The following TJP3 variants were observed in gnomAD, a reference collection of about 807,000 sequenced individuals.
TJP3 encodes the protein tight junction protein 3, also known as tight junction protein ZO-3.
TJP3 carries 85 observed loss-of-function variants against 104.2 expected under a neutral mutation model. The observed-to-expected ratio is 0.82, with a 90% CI of 0.68 to 0.98. The LOEUF is 0.98. TJP3 is among the 50% of genes least tolerant of loss of function. The pLI is 0.00. For missense variants in TJP3, 1,367 were observed against 1,322.8 expected, an observed-to-expected ratio of 1.03 and a Z score of -0.52; for synonymous variants, 550 against 550.6, an observed-to-expected ratio of 1.00 and a Z score of 0.02.
At chr19:3,742,383 T>C (rs654215) in intron 14 of TJP3, among the ~76,000 whole-genome samples, 68,220 of 151,378 alleles carry the variant, frequency 0.45, 15,551 homozygotes, top group South Asian at 0.59. Context: ...CGGAGAGCTA[T>C]GATCATGCTG....
At chr19:3,734,061 A>G (rs2036705765) in intron 7 of TJP3, 149 bp downstream of exon 7, 1 of 1,129,214 alleles carries the variant, frequency 8.9e-7, no homozygotes, top group South Asian at 1.5e-5. Context: ...CAGCAAGTCA[A>G]GAGTTCAGGG....
At chr19:3,714,818 C>A (rs555620868) in intron 1 of TJP3, among the ~76,000 whole-genome samples, 1 of 152,176 alleles carries the variant, frequency 6.6e-6, no homozygotes, top group East Asian at 2.0e-4. Context: ...CCAGGGAGGC[C>A]TCCAGAACTC....
intron 12 of TJP3, 61 bp from the exon 13 acceptor site, chr19:3,738,835 GT>G: frequency 1.4e-6 from 2 of 1,474,130 alleles, no homozygotes. Flanking sequence ...CCACTCTCGG[GT>G]GGGGAGGGCT....
intron 1 of TJP3, among the ~76,000 whole-genome samples, chr19:3,722,796 A>C (rs2036554118): frequency 7.4e-6 from 1 of 136,040 alleles, no homozygotes; most frequent in Non-Finnish European, 1.5e-5. Flanking sequence ...TCCCCTCCCC[A>C]ATCGGTGTAT....
chr19:3,748,041 C>A lies in TJP3; in HGVS notation c.2570C>A (p.Pro857Gln), dbSNP rs373989858. Residue 857 changes from proline to glutamine, a missense_variant, in exon 19 of 21, where the codon CCG (proline) becomes CAG (glutamine). Coordinates refer to ENST00000541714, the MANE Select transcript of TJP3 (RefSeq NM_001267560.2). ...GTGCAGGCAGATGAGTCCCAGAGCC[C>A]GAGGGATCGTGGGAGAATCTCGGCT... Reference protein sequence around the residue: ...EPVQADESQSPRDRGRISAHQ... With the variant: ...EPVQADESQSQRDRGRISAHQ... 2.5e-6 allele frequency: 4 copies of A among 1,593,150 alleles called. No homozygotes were observed. The highest frequency in any genetic ancestry group is 2.3e-5 in the East Asian group (1 of 43,780).
At chr19:3,741,248 G>A (rs749427516) in intron 14 of TJP3, among the ~76,000 whole-genome samples, 3 of 151,306 alleles carry the variant, frequency 2.0e-5, no homozygotes, top group Admixed American at 6.6e-5. Flanking sequence ...CGATCCACCC[G>A]CTTCAGCCTC....
intron 3 of TJP3, among the ~76,000 whole-genome samples, chr19:3,728,953 T>C (rs1426369216): frequency 6.6e-6 from 1 of 152,124 alleles, no homozygotes; most frequent in Non-Finnish European, 1.5e-5. Flanking sequence ...CTCGGGAGGC[T>C]GAGGCAGGAG....
chr19:3,749,286 T>C (rs144742704), intron 19 of TJP3, among the ~76,000 whole-genome samples: 7 of 152,290 alleles, frequency 4.6e-5, no homozygotes, highest in Middle Eastern at 3.4e-3. Context: ...AGCCCAAGTT[T>C]TGGCACATAG....
At chr19:3,749,968 G>A (rs2036967895) in intron 19 of TJP3, among the ~76,000 whole-genome samples, 170 bp from the exon 20 acceptor site, 1 of 152,112 alleles carries the variant, frequency 6.6e-6, no homozygotes, top group African/African-American at 2.4e-5. Flanking sequence ...CCCTATCCCA[G>A]CCTCAGTTTT....
chr19:3,739,814 A>G (rs1192777485), intron 13 of TJP3, among the ~76,000 whole-genome samples: 2 of 151,974 alleles, frequency 1.3e-5, no homozygotes, highest in East Asian at 3.9e-4. Context: ...CTTCATAGCC[A>G]CAGCACAGCC....
chr19:3,719,883 C>T (rs183068365), intron 1 of TJP3, among the ~76,000 whole-genome samples: 129 of 152,244 alleles, frequency 8.5e-4, no homozygotes, highest in Non-Finnish European at 1.5e-3. Context: ...CTGTGATGGC[C>T]GCAAAAGGGA....
In TJP3 at chr19:3,746,756, C is replaced by G. The variant is rs370440538; in HGVS notation, c.2222-20C>G. On this transcript the variant is annotated intron_variant, in intron 17 of 20. Coordinates refer to ENST00000541714, the MANE Select transcript of TJP3 (RefSeq NM_001267560.2). The surrounding 1 kb of genome is among the most constrained non-coding windows in gnomAD (Gnocchi z 4.1). Reference sequence around the variant, plus strand: ...CCCCAGCCTGAGTCTCCTGCACACACTGACGTCCCCTCCCTGCAGCCACCA... The same window carrying G: ...CCCCAGCCTGAGTCTCCTGCACACAGTGACGTCCCCTCCCTGCAGCCACCA... 158 of 1,601,628 alleles carry G rather than the reference C, an allele frequency of 9.9e-5. No homozygotes were observed. In the African/African-American group the frequency reaches 1.8e-3, roughly 18 times the overall value.
rs145392871 is a variant in TJP3, at chr19:3,732,000, C to A, written c.679C>A (p.Arg227=). Residue 227 remains arginine, a synonymous_variant, in exon 6 of 21, where the codon CGG becomes AGG. Transcript: ENST00000541714. ...KHITDSGLAA[R]HRGLQEGDLI... ...CATTACAGATTCGGGCCTGGCTGCC[C>A]GGCACCGTGGGCTGCAGGAAGGAGA... 1.9e-6 allele frequency: 3 copies of A among 1,613,376 alleles called. No homozygotes were observed. The highest frequency in any genetic ancestry group is 2.2e-5 in the East Asian group (1 of 44,864).
At chr19:3,712,720 G>A (rs1416571095) in intron 1 of TJP3, among the ~76,000 whole-genome samples, 2 of 152,126 alleles carry the variant, frequency 1.3e-5, no homozygotes, top group Admixed American at 6.6e-5. Context: ...AGGCCGAGGT[G>A]GGAGGATCGC....
chr19:3,739,111 G>T lies in TJP3; in HGVS notation c.1608G>T (p.Arg536=). ...GTCGTGACCTGCGGGAGCAAGAGCG[G>T]GGCATCATTCCCAACCAGAGCAGGT... ...RMGRDLREQE[R]GIIPNQSRAE... is the part of the protein sequence containing the mutation. Residue 536 remains arginine (R), a synonymous_variant, in exon 13 of 21, where the codon CGG becomes CGT. Coordinates refer to ENST00000541714, the MANE Select transcript of TJP3 (RefSeq NM_001267560.2). 6.4e-7 allele frequency: 1 copy of T among 1,570,288 alleles called. No individual in the cohort carries two copies. The highest frequency in any genetic ancestry group is 8.7e-7 in the Non-Finnish European group (1 of 1,155,242).
At position 3,721,650 on chromosome 19, in the gene TJP3, G is replaced by C. The variant is rs2036542854; in HGVS notation, c.-9-6774G>C. The stretch of plus-strand genomic sequence containing the variant: ...ACCTGGCTCCTGTGATGGGAGGTGG[G>C]GAGAGAAACCTCCGCCGCGTCCAGG... On this transcript the variant is annotated intron_variant, in intron 1 of 20. Transcript: ENST00000541714. 3 of 327,932 alleles carry C rather than the reference G, an allele frequency of 9.1e-6. No homozygotes were observed. In the South Asian group the frequency reaches 4.7e-4, roughly 51 times the overall value. 20.3% of individuals were successfully genotyped at this position (327,932 alleles called of 1,614,324 possible).
In TJP3 at chr19:3,731,928, CT is replaced by C; in HGVS notation, c.614-5del. The C allele has an allele frequency of 6.2e-7, 1 of 1,612,088 alleles. No homozygotes were observed. The highest frequency in any genetic ancestry group is 1.1e-5 in the South Asian group (1 of 90,734). On this transcript the variant is annotated splice_polypyrimidine_tract_variant and splice_region_variant and intron_variant, in intron 5 of 20. Coordinates refer to ENST00000541714, the MANE Select transcript of TJP3 (RefSeq NM_001267560.2). ...CCTGCCTCAGTTTCCCTCCTCCCCC[CT>C]TACAGAGTTTGGCGTCAAGCTGGGC...
At chr19:3,714,928 T>C (rs1203732977) in intron 1 of TJP3, among the ~76,000 whole-genome samples, 2 of 152,230 alleles carry the variant, frequency 1.3e-5, no homozygotes, top group Non-Finnish European at 2.9e-5. Flanking sequence ...TGCAACAGTT[T>C]TGTTGACTGA....
intron 1 of TJP3, among the ~76,000 whole-genome samples, chr19:3,713,280 C>G (rs2036449420): frequency 6.6e-6 from 1 of 152,214 alleles, no homozygotes; most frequent in Non-Finnish European, 1.5e-5. Context: ...CTGCTCCTGC[C>G]CCGTCCTCTC....
Sources: gnomAD v4.1 joint callset for allele counts (sites outside exome capture counted in the v4.1 genomes callset) on GRCh38, gnomAD v4.1.1 for gene constraint, Gnocchi (gnomAD v3.1) non-coding constraint, MANE v1.5 for transcripts, NCBI Gene and HGNC (gene_info 2026-07-23, HGNC 2026-07-21) for gene names.